The following LRRC37A variants were observed in gnomAD, a reference collection of about 807,000 sequenced individuals.
LRRC37A encodes the protein leucine-rich repeat-containing protein 37A.
Under a neutral mutation model 35.4 loss-of-function variants are expected in LRRC37A, and 3 were observed. The ratio of observed to expected loss-of-function variants is 0.08; its 90% CI spans 0.04 to 0.22. LRRC37A has a LOEUF of 0.22. Among genes scored for constraint, LRRC37A ranks in the 10% least tolerant of loss-of-function variants. The probability of loss-of-function intolerance (pLI) is 1.00; values close to 1 mark genes in which losing one functional copy is unlikely to be tolerated. For synonymous variants in LRRC37A, 23 were observed against 215.0 expected, an observed-to-expected ratio of 0.11 and a Z score of 7.81; for missense variants, 67 against 565.3, an observed-to-expected ratio of 0.12 and a Z score of 8.94.
chr17:46,252,913 G>GA, the LRRC37A span, among the ~76,000 whole-genome samples: 1 of 143,280 alleles, frequency 7.0e-6, no homozygotes, highest in Non-Finnish European at 1.6e-5. Flanking sequence ...GGGGCGGCTG[G>GA]CCGGGCGGGG....
the LRRC37A span, among the ~76,000 whole-genome samples, chr17:46,282,392 C>T: frequency 9.5e-4 from 144 of 151,994 alleles, 1 homozygote; most frequent in African/African-American, 3.2e-3. Flanking sequence ...CGTGATCCAC[C>T]GCACCTGGCC....
At chr17:46,281,999 T>C in the LRRC37A span, among the ~76,000 whole-genome samples, 1 of 152,156 alleles carries the variant, frequency 6.6e-6, no homozygotes, top group African/African-American at 2.4e-5. Context: ...CTGCCTACTT[T>C]TCTTGCTTCC....
the LRRC37A span, among the ~76,000 whole-genome samples, chr17:46,287,657 G>C: frequency 0.047 from 6,111 of 129,502 alleles, no homozygotes; most frequent in Non-Finnish European, 0.076. Context: ...TATAATGTTT[G>C]TGACAATGTG....
At chr17:46,265,161 G>C in the LRRC37A span, among the ~76,000 whole-genome samples, 1 of 152,168 alleles carries the variant, frequency 6.6e-6, no homozygotes, top group Non-Finnish European at 1.5e-5. Flanking sequence ...TCCAACACCT[G>C]AATGAGGGTA....
At chr17:46,285,846 A>G in the LRRC37A span, among the ~76,000 whole-genome samples, 1 of 152,254 alleles carries the variant, frequency 6.6e-6, no homozygotes, top group African/African-American at 2.4e-5. Flanking sequence ...AATGCTTCCA[A>G]AATTATGCCA....
chr17:46,273,879 C>T, the LRRC37A span, among the ~76,000 whole-genome samples: 1 of 152,230 alleles, frequency 6.6e-6, no homozygotes, highest in Non-Finnish European at 1.5e-5. Flanking sequence ...AAATGTCCTT[C>T]ATACAATATA....
chr17:46,260,692 T>C, the LRRC37A span: 8 of 1,177,806 alleles, frequency 6.8e-6, no homozygotes, highest in South Asian at 8.6e-5. Context: ...GGCGGGATCT[T>C]GGCTCACCGC....
At chr17:46,316,599 T>G (rs1488718539) in intron 5 of LRRC37A, among the ~76,000 whole-genome samples, 1 of 72,790 alleles carries the variant, frequency 1.4e-5, no homozygotes, top group African/African-American at 3.5e-5. Flanking sequence ...CCATGCCCAG[T>G]TTTTTTTGTT....
chr17:46,278,659 C>A, the LRRC37A span, among the ~76,000 whole-genome samples: 1 of 152,094 alleles, frequency 6.6e-6, no homozygotes, highest in African/African-American at 2.4e-5. Flanking sequence ...GCCTCGGCCT[C>A]CCAAAGTGCT....
intron 5 of LRRC37A, among the ~76,000 whole-genome samples, chr17:46,312,705 G>A (rs373316670): frequency 1.4e-5 from 1 of 69,642 alleles, no homozygotes. Context: ...GGTCTTACAA[G>A]TTTTCATGCC....
chr17:46,268,823 C>T, the LRRC37A span: 1 of 664,808 alleles, frequency 1.5e-6, no homozygotes, highest in East Asian at 4.2e-5. Flanking sequence ...TGCATAGTTA[C>T]AACTGTAATC....
the LRRC37A span, among the ~76,000 whole-genome samples, chr17:46,251,152 T>C: frequency 6.6e-6 from 1 of 152,198 alleles, no homozygotes; most frequent in Non-Finnish European, 1.5e-5. Context: ...TGTTTTATCC[T>C]GATAATTCTG....
chr17:46,272,500 C>T, the LRRC37A span, among the ~76,000 whole-genome samples: 10 of 152,172 alleles, frequency 6.6e-5, no homozygotes, highest in African/African-American at 2.4e-4. Flanking sequence ...CTGCAACCTC[C>T]GCCTCCCAGG....
the LRRC37A span, among the ~76,000 whole-genome samples, chr17:46,284,342 G>C: frequency 1.3e-5 from 2 of 152,226 alleles, no homozygotes; most frequent in African/African-American, 4.8e-5. Flanking sequence ...GACTCTTAAG[G>C]AGCATGCTGC....
At chr17:46,271,714 C>T in the LRRC37A span, among the ~76,000 whole-genome samples, 7 of 152,116 alleles carry the variant, frequency 4.6e-5, no homozygotes, top group Non-Finnish European at 1.0e-4. Context: ...CACTCTAGGC[C>T]ATTTGGAATA....
chr17:46,289,815 AT>A (rs1000760940), upstream of LRRC37A, among the ~76,000 whole-genome samples: 19 of 152,142 alleles, frequency 1.2e-4, no homozygotes, highest in African/African-American at 4.3e-4. Flanking sequence ...AATTAATTTT[AT>A]TTTTCCTTCT....
chr17:46,250,086 C>T, the LRRC37A span, among the ~76,000 whole-genome samples: 1 of 152,096 alleles, frequency 6.6e-6, no homozygotes, highest in East Asian at 1.9e-4. Context: ...CGTGAGCCAC[C>T]ATGCCTGGCC....
intron 5 of LRRC37A, chr17:46,310,357 A>G (rs2050727944): frequency 8.0e-6 from 1 of 124,534 alleles, no homozygotes; most frequent in African/African-American, 2.7e-5. Context: ...AACCACTTAC[A>G]AGCTTTGCAA....
chr17:46,257,549 C>T, the LRRC37A span, among the ~76,000 whole-genome samples: 5 of 151,254 alleles, frequency 3.3e-5, no homozygotes, highest in Admixed American at 6.6e-5. Flanking sequence ...CATAGTGGCT[C>T]ATGCCTGTAA....
Sources: gnomAD v4.1 joint callset for allele counts (sites outside exome capture counted in the v4.1 genomes callset) on GRCh38, gnomAD v4.1.1 for gene constraint, MANE v1.5 for transcripts, NCBI Gene and HGNC (gene_info 2026-07-23, HGNC 2026-07-21) for gene names.